ANKLE2: variants seen among roughly 807,000 people sequenced by gnomAD.
ANKLE2 encodes ankyrin repeat and LEM domain-containing protein 2.
A neutral mutation model predicts 84.2 loss-of-function variants in ANKLE2; 55 were observed. The observed-to-expected ratio is 0.65, with a 90% CI of 0.53 to 0.82. The LOEUF is 0.82. Among genes scored for constraint, ANKLE2 ranks in the 40% least tolerant of loss-of-function variants. The probability of loss-of-function intolerance (pLI) is 0.00; values close to 1 mark genes in which losing one functional copy is unlikely to be tolerated. For synonymous variants in ANKLE2, 551 were observed against 486.1 expected, an observed-to-expected ratio of 1.13 and a Z score of -1.76; for missense variants, 1,238 against 1,201.9, an observed-to-expected ratio of 1.03 and a Z score of -0.44.
At chr12:132,739,776 G>A (rs1323263705) in intron 7 of ANKLE2, among the ~76,000 whole-genome samples, 1 of 152,236 alleles carries the variant, frequency 6.6e-6, no homozygotes, top group Non-Finnish European at 1.5e-5. Flanking sequence ...TCTGTGGCAT[G>A]TGAAGCTACA....
At position 132,743,573 on chromosome 12, in the gene ANKLE2, T is replaced by C. The variant is rs2044175248; in HGVS notation, c.1231-297A>G. Among the ~76,000 whole-genome samples, 1 of 151,190 alleles carries C rather than the reference T, an allele frequency of 6.6e-6. No homozygotes were observed. The highest frequency in any genetic ancestry group is 1.5e-5 in the Non-Finnish European group (1 of 67,808). ...CATATTGGTGAGACTGGTCTCGAAC[T>C]CCTGACCTCAGGTGATCCACCTGCC... On this transcript the variant is annotated intron_variant, in intron 5 of 12. Coordinates refer to ENST00000357997, the MANE Select transcript of ANKLE2 (RefSeq NM_015114.3). The surrounding 1 kb of genome is among the most constrained non-coding windows in gnomAD (Gnocchi z 4.1).
At chr12:132,744,418 C>T (rs1209143565) in intron 5 of ANKLE2, among the ~76,000 whole-genome samples, 1 of 152,194 alleles carries the variant, frequency 6.6e-6, no homozygotes, top group African/African-American at 2.4e-5. Context: ...CCCTAAGCTT[C>T]TGCACAGGGA....
intron 7 of ANKLE2, chr12:132,738,280 C>G (rs1172754686): frequency 2.0e-5 from 3 of 152,348 alleles, no homozygotes; most frequent in Non-Finnish European, 4.4e-5. Context: ...TCACACGGCA[C>G]TTGGATGTGA....
intron 3 of ANKLE2, among the ~76,000 whole-genome samples, chr12:132,749,809 A>G (rs925100666): frequency 6.6e-6 from 1 of 152,204 alleles, no homozygotes; most frequent in African/African-American, 2.4e-5. Flanking sequence ...TCCTACAGAT[A>G]AGCCCGCCTT....
Position 132,761,709 on chromosome 12 carries a change from C to T in ANKLE2, c.90G>A (p.Trp30Ter). The T allele has an allele frequency of 7.4e-7, 1 of 1,349,678 alleles. No individual in the cohort carries two copies. The highest frequency in any genetic ancestry group is 1.7e-5 in the South Asian group (1 of 58,932). 83.6% of individuals were successfully genotyped at this position (1,349,678 alleles called of 1,614,324 possible). Residue 30 changes from tryptophan to a stop codon, truncating the protein, a stop_gained, in exon 1 of 13, where the codon TGG (tryptophan) becomes TGA (stop). Transcript: ENST00000357997. LOFTEE classifies it high-confidence loss of function. ...GASVLLIAVR[W>*]LVRRLGPRPG... ...GCCGCGGGCCCAGCCGCCGCACCAG[C>T]CACCGCACAGCGATCAGCAGCACCG...
Position 132,748,374 on chromosome 12 carries a change from A to G in ANKLE2, c.848-43T>C, listed in dbSNP as rs756500281. ...AATTTAAGAACAATCAGTTTCACCA[A>G]AAGTCACTCATCACCCATGCACCCT... On this transcript the variant is annotated intron_variant, in intron 3 of 12. Transcript: ENST00000357997. 2.5e-6 allele frequency: 4 copies of G among 1,608,854 alleles called. No homozygotes were observed. In the South Asian group the frequency reaches 3.3e-5, roughly 13 times the overall value.
chr12:132,751,731 C>T (rs1055326136), intron 2 of ANKLE2, among the ~76,000 whole-genome samples: 2 of 151,848 alleles, frequency 1.3e-5, no homozygotes, highest in Non-Finnish European at 2.9e-5. Flanking sequence ...TTAGTAGAGA[C>T]GGGGTTTCAC....
chr12:132,743,102 T>C lies in ANKLE2; in HGVS notation c.1353+52A>G, dbSNP rs1048243749. On this transcript the variant is annotated intron_variant, in intron 6 of 12. Coordinates refer to ENST00000357997, the MANE Select transcript of ANKLE2 (RefSeq NM_015114.3). This position sits in a 1 kb window ranked among gnomAD's most constrained non-coding sequence, Gnocchi z 4.1. ...CCTGTGATCACAGACTGTAAATTTA[T>C]ATATTTCCATTTCTAACTCTAGATA... is the stretch of plus-strand genomic sequence containing the variant. The C allele has an allele frequency of 6.6e-6, 10 of 1,516,752 alleles. No individual in the cohort carries two copies. The African/African-American group carries it at 7.0e-5, about 11-fold the overall frequency. 94.0% of individuals were successfully genotyped at this position (1,516,752 alleles called of 1,614,324 possible).
Position 132,747,933 on chromosome 12 carries a change from G to T in ANKLE2, c.1129C>A (p.Pro377Thr). The change falls in exon 5 of 13, where the codon CCT (proline) becomes ACT (threonine). Residue 377 changes from proline (P) to threonine (T), a missense_variant. Around this residue, in one of 3 missense-constraint regions of ANKLE2, gnomAD observed 802 missense variants for 774.5 expected, o/e 1.04. Transcript: ENST00000357997. ...GGGTACATCAGCCTCATGAAGTCAG[G>T]GTTCTCCAGGACGTCCAGAGTCAGC... is the stretch of plus-strand genomic sequence containing the variant. ...CQLTLDVLENPDFMRLMYPDD... is the reference protein window; with the variant it reads ...CQLTLDVLENTDFMRLMYPDD... The T allele has an allele frequency of 6.2e-7, 1 of 1,600,842 alleles. No individual in the cohort carries two copies. The highest frequency in any genetic ancestry group is 8.5e-7 in the Non-Finnish European group (1 of 1,176,856).
At position 132,747,836 on chromosome 12, in the gene ANKLE2, T is replaced by C; in HGVS notation, c.1226A>G (p.Lys409Arg). ...GAGTGGAGGGTGTGCACGCACCATC[T>C]TGTCGGGGGTGTTGAGGTACAGGTC... ...VVDLYLNTPD[K>R]MGYDTPLHFA... The change falls in exon 5 of 13, where the codon AAG becomes AGG. Residue 409 changes from lysine to arginine, a missense_variant. Physicochemically the swap from Lys to Arg is conservative, Grantham distance 26 (BLOSUM62 2). Transcript: ENST00000357997. 6.3e-7 allele frequency: 1 copy of C among 1,596,150 alleles called. No individual in the cohort carries two copies. The highest frequency in any genetic ancestry group is 8.5e-7 in the Non-Finnish European group (1 of 1,175,680).
At chr12:132,753,041 G>C (rs1205754620) in intron 2 of ANKLE2, among the ~76,000 whole-genome samples, 5 of 151,952 alleles carry the variant, frequency 3.3e-5, no homozygotes, top group Non-Finnish European at 7.4e-5. Context: ...CAGGCGAGGT[G>C]GCTCACGCCT....
intron 5 of ANKLE2, among the ~76,000 whole-genome samples, chr12:132,747,579 GT>G (rs1311878431): frequency 6.6e-6 from 1 of 152,172 alleles, no homozygotes; most frequent in Non-Finnish European, 1.5e-5. Flanking sequence ...TGACAACCGT[GT>G]CCCCAGACAG....
At chr12:132,741,192 A>C (rs1021959150) in intron 7 of ANKLE2, among the ~76,000 whole-genome samples, 6 of 152,246 alleles carry the variant, frequency 3.9e-5, no homozygotes, top group African/African-American at 1.4e-4. Flanking sequence ...TCTCACAGAA[A>C]GCTCAAGGAA....
chr12:132,754,822 G>A lies in ANKLE2; in HGVS notation c.493C>T (p.Pro165Ser). Residue 165 changes from proline to serine, a missense_variant, in exon 2 of 13, where the codon CCT (proline) becomes TCT (serine). Pro to Ser is a moderately conservative substitution (Grantham distance 74). This residue lies in a region of ANKLE2 where 422 missense variants were observed against 394.5 expected (regional missense o/e 1.07). Coordinates refer to ENST00000357997, the MANE Select transcript of ANKLE2 (RefSeq NM_015114.3). The stretch of plus-strand genomic sequence containing the variant: ...GATGTCACAGCTTCCTCCTCTGGAG[G>A]ATTCAGGCCCACACTGTAACCAAAA... Reference protein sequence around the residue: ...RDFGYSVGLNPPEEEAVTSKT... With the variant: ...RDFGYSVGLNSPEEEAVTSKT... 12 of 1,614,150 alleles carry A rather than the reference G, an allele frequency of 7.4e-6. No homozygotes were observed. Among genetic ancestry groups the A allele is most frequent in the Non-Finnish European group, 1.0e-5 (12 of 1,180,024 alleles).
At chr12:132,749,443 A>C (rs906596438) in intron 3 of ANKLE2, among the ~76,000 whole-genome samples, 4 of 152,208 alleles carry the variant, frequency 2.6e-5, no homozygotes, top group African/African-American at 9.6e-5. Flanking sequence ...GGCGTGAGCC[A>C]CCTCGCCCGG....
intron 5 of ANKLE2, chr12:132,745,823 G>A (rs752479905): frequency 6.0e-4 from 93 of 155,446 alleles, no homozygotes; most frequent in Non-Finnish European, 1.2e-3. Context: ...GGAGCTCTGA[G>A]CAACAAAGCG....
At chr12:132,741,586 T>C (rs903782603) in intron 6 of ANKLE2, 101 bp from the exon 7 acceptor site, 2 of 1,116,362 alleles carry the variant, frequency 1.8e-6, no homozygotes, top group South Asian at 2.7e-5. Flanking sequence ...TAAAGTAGAA[T>C]AGTATCTTAA....
chr12:132,726,053 C>T lies in ANKLE2; in HGVS notation c.*1189G>A, dbSNP rs983516310. ...AATATCCCTGTATATCCTCAAAAAG[C>T]AAGTTCAGGAAATTTAAAAATGATT... is the stretch of plus-strand genomic sequence containing the variant. On this transcript the variant is annotated 3_prime_UTR_variant, in exon 13 of 13. Transcript: ENST00000357997. 6.6e-6 allele frequency: 1 copy of T among 152,138 alleles called. No individual in the cohort carries two copies. 9.4% of individuals were successfully genotyped at this position (152,138 alleles called of 1,614,324 possible).
chr12:132,747,697 T>C, intron 5 of ANKLE2, 135 bp downstream of exon 5: 1 of 1,122,886 alleles, frequency 8.9e-7, no homozygotes, highest in South Asian at 1.8e-5. Flanking sequence ...AGAAGGCAGG[T>C]TGCAGGGGTG....
Sources: allele counts gnomAD v4.1 joint callset (sites outside exome capture counted in the v4.1 genomes callset), GRCh38; gene constraint gnomAD v4.1.1; regional missense constraint gnomAD v4.1.1; non-coding constraint Gnocchi (gnomAD v3.1); transcripts MANE v1.5; gene names NCBI Gene and HGNC (gene_info 2026-07-23, HGNC 2026-07-21).